The following BCL2L11 variants were observed in gnomAD, a reference collection of about 807,000 sequenced individuals.
BCL2L11 encodes the protein BCL2 like 11, also known as bcl-2-like protein 11.
Under a neutral mutation model 20.6 loss-of-function variants are expected in BCL2L11, and 15 were observed. The ratio of observed to expected loss-of-function variants is 0.73; its 90% CI spans 0.49 to 1.12. The LOEUF is 1.12. Ranked by LOEUF, BCL2L11 falls within the 50% of genes most tolerant of loss-of-function variation. The pLI is 0.00. For missense variants in BCL2L11, 292 were observed against 260.9 expected (o/e 1.12, Z -0.82); for synonymous variants, 108 against 92.8 (o/e 1.16, Z -0.94).
chr2:111,122,875 G>T, intron 1 of BCL2L11: 1 of 985,488 alleles, frequency 1.0e-6, no homozygotes, highest in South Asian at 4.7e-5. Context: ...GGACGCCGCG[G>T]GGCTTGGTCC....
intron 2 of BCL2L11, chr2:111,132,221 A>G (rs1313426641): frequency 6.6e-6 from 1 of 152,218 alleles, no homozygotes; most frequent in Non-Finnish European, 1.5e-5. Context: ...TTGTTGAATC[A>G]TTTGTAGTCC....
At chr2:111,163,413 C>T (rs988477091) in intron 3 of BCL2L11, 3 of 152,222 alleles carry the variant, frequency 2.0e-5, no homozygotes, top group African/African-American at 7.2e-5. Flanking sequence ...TGGATTAGAA[C>T]CTGAAAGTGG....
chr2:111,137,356 C>T (rs137992690), intron 2 of BCL2L11, among the ~76,000 whole-genome samples: 1 of 152,318 alleles, frequency 6.6e-6, no homozygotes, highest in African/African-American at 2.4e-5. Flanking sequence ...ATTAAGTTGT[C>T]TCCATTCCTT....
intron 3 of BCL2L11, chr2:111,163,148 G>A (rs943910014): frequency 2.6e-5 from 4 of 153,582 alleles, no homozygotes; most frequent in Non-Finnish European, 4.3e-5. Context: ...TGAGGGGACA[G>A]TTGTCTCAGC....
chr2:111,122,636 G>C (rs1260946085), intron 1 of BCL2L11: 5 of 984,194 alleles, frequency 5.1e-6, no homozygotes, highest in Non-Finnish European at 6.0e-6. Flanking sequence ...GCGAGGGGAG[G>C]AGCGGGAGGA....
At chr2:111,138,151 G>A (rs1038252154) in intron 2 of BCL2L11, among the ~76,000 whole-genome samples, 4 of 151,848 alleles carry the variant, frequency 2.6e-5, no homozygotes, top group Non-Finnish European at 5.9e-5. Context: ...TGGGATTACA[G>A]GCACCCACCA....
intron 2 of BCL2L11, among the ~76,000 whole-genome samples, chr2:111,143,342 C>T (rs1338381440): frequency 6.6e-6 from 1 of 152,136 alleles, no homozygotes; most frequent in Non-Finnish European, 1.5e-5. Context: ...CAGGAGCACA[C>T]CAAGGCGGGC....
intron 1 of BCL2L11, among the ~76,000 whole-genome samples, chr2:111,121,601 C>A (rs892066456): frequency 6.6e-6 from 1 of 152,196 alleles, no homozygotes; most frequent in Non-Finnish European, 1.5e-5. Flanking sequence ...GAGTAGCGGC[C>A]GCGCAGTGTG....
intron 2 of BCL2L11, among the ~76,000 whole-genome samples, chr2:111,141,839 C>CAGTA (rs2075869588): frequency 6.6e-6 from 1 of 151,946 alleles, no homozygotes; most frequent in Non-Finnish European, 1.5e-5. Context: ...GCTGGGATTA[C>CAGTA]AAGCAGGTGC....
In BCL2L11 at chr2:111,164,243, C is replaced by T. The variant is rs200016050; in HGVS notation, c.*12C>T. ...GGAGAATGCATTGACAGGTTCTTTG[C>T]GGAGCCGAGATACCATGCAGACATT... On this transcript the variant is annotated 3_prime_UTR_variant, in exon 4 of 4. Transcript: ENST00000393256. The T allele has an allele frequency of 4.5e-5, 71 of 1,577,424 alleles. No individual in the cohort carries two copies. In the African/African-American group the frequency reaches 7.7e-4, roughly 17 times the overall value.
chr2:111,150,328 T>A lies in BCL2L11; in HGVS notation c.498+181T>A, dbSNP rs964209894. On this transcript the variant is annotated intron_variant, in intron 3 of 3. Coordinates refer to ENST00000393256, the MANE Select transcript of BCL2L11 (RefSeq NM_138621.5). ...TTTCATTTGTTTTATGACTAAGTAA[T>A]GGCACTTAAATAAAATAATACAGTA... 7.6e-5 allele frequency: 97 copies of A among 1,283,138 alleles called. 1 individual carries two copies. Among genetic ancestry groups the A allele is most frequent in the Admixed American group, 1.1e-4 (5 of 44,044 alleles). 79.5% of individuals were successfully genotyped at this position (1,283,138 alleles called of 1,614,324 possible). A position where few individuals can be genotyped will look rare whatever the true frequency, so the allele number is the denominator to read the frequency against.
intron 2 of BCL2L11, 91 bp downstream of exon 2, chr2:111,124,230 C>T (rs536830692): frequency 9.5e-6 from 13 of 1,370,348 alleles, no homozygotes; most frequent in Admixed American, 2.4e-5. Context: ...CCTTTTAAAA[C>T]CCCGTAACTG....
chr2:111,154,854 C>T (rs775836138), intron 3 of BCL2L11, among the ~76,000 whole-genome samples: 8 of 152,160 alleles, frequency 5.3e-5, no homozygotes, highest in African/African-American at 1.2e-4. Flanking sequence ...GGCTGCAATG[C>T]GTTACTGTCA....
rs2078928321 is a variant in BCL2L11, at chr2:111,164,466, C to A, written c.*235C>A. 1 of 406,942 alleles carries A rather than the reference C, an allele frequency of 2.5e-6. No individual in the cohort carries two copies. The highest frequency in any genetic ancestry group is 5.5e-5 in the South Asian group (1 of 18,042). The allele number at this position is 406,942 out of a possible 1,614,324, so 25.2% of individuals were successfully genotyped here. On this transcript the variant is annotated 3_prime_UTR_variant, in exon 4 of 4. Coordinates refer to ENST00000393256, the MANE Select transcript of BCL2L11 (RefSeq NM_138621.5). ...AATGTAAAGGAGGGAGCATTCTTTG[C>A]TTTTTAATATACAAACCATGGTTTT...
chr2:111,123,354 C>T lies in BCL2L11; in HGVS notation c.-13-379C>T, dbSNP rs1019661599. The T allele has an allele frequency of 9.1e-6, 9 of 985,380 alleles. No homozygotes were observed. In the African/African-American group the frequency reaches 1.2e-4, roughly 13 times the overall value. 61.0% of individuals were successfully genotyped at this position (985,380 alleles called of 1,614,324 possible). A position where few individuals can be genotyped will look rare whatever the true frequency, so the allele number is the denominator to read the frequency against. On this transcript the variant is annotated intron_variant, in intron 1 of 3. Coordinates refer to ENST00000393256, the MANE Select transcript of BCL2L11 (RefSeq NM_138621.5). ...CTGCATCTGCGCCCGCTCCTGTGCT[C>T]CGGCGTCCTACCTAACCCCGGGAAG...
chr2:111,123,434 G>A (rs949407711), intron 1 of BCL2L11: 49 of 985,370 alleles, frequency 5.0e-5, no homozygotes, highest in Non-Finnish European at 5.5e-5. Context: ...TGGGCAAAGA[G>A]CACACACGAA....
chr2:111,132,528 A>C (rs1022347185), intron 2 of BCL2L11, among the ~76,000 whole-genome samples: 3 of 152,320 alleles, frequency 2.0e-5, no homozygotes, highest in African/African-American at 7.2e-5. Context: ...TGCAAAATAC[A>C]TTTTAGTCTC....
chr2:111,136,965 C>T (rs568559433), intron 2 of BCL2L11, among the ~76,000 whole-genome samples: 2 of 152,206 alleles, frequency 1.3e-5, no homozygotes, highest in South Asian at 4.2e-4. Context: ...AGATGATAAC[C>T]GTAATATCTA....
At chr2:111,122,794 C>A (rs1220231362) in intron 1 of BCL2L11, 1 of 985,174 alleles carries the variant, frequency 1.0e-6, no homozygotes, top group Non-Finnish European at 1.2e-6. Flanking sequence ...AACCCGAGTC[C>A]CGGGCTTTGT....
Sources: allele counts gnomAD v4.1 joint callset (sites outside exome capture counted in the v4.1 genomes callset), GRCh38; gene constraint gnomAD v4.1.1; transcripts MANE v1.5; gene names NCBI Gene and HGNC (gene_info 2026-07-23, HGNC 2026-07-21).